Variants in ZBTB16 observed in about 807,000 individuals in gnomAD.
ZBTB16 encodes the protein zinc finger and BTB domain-containing protein 16.
A neutral mutation model predicts 56.8 loss-of-function variants in ZBTB16; 8 were observed. The ratio of observed to expected loss-of-function variants is 0.14; its 90% confidence interval spans 0.08 to 0.25. The LOEUF (loss-of-function observed/expected upper bound fraction) is 0.25. ZBTB16 is among the 10% of genes least tolerant of loss of function. ZBTB16 has a pLI of 1.00. For missense variants in ZBTB16, 625 were observed against 903.0 expected, an observed-to-expected ratio of 0.69 and a Z score of 3.95; for synonymous variants, 363 against 368.5, an observed-to-expected ratio of 0.98 and a Z score of 0.17.
intron 4 of ZBTB16, among the ~76,000 whole-genome samples, chr11:114,241,002 C>T (rs1380345101): frequency 4.6e-5 from 7 of 152,152 alleles, no homozygotes; most frequent in South Asian, 2.1e-4. Context: ...ATCCTCCCAC[C>T]GGCCATGTTT....
intron 2 of ZBTB16, among the ~76,000 whole-genome samples, chr11:114,155,427 G>C (rs1296446038): frequency 6.6e-6 from 1 of 152,050 alleles, no homozygotes; most frequent in East Asian, 1.9e-4. Context: ...GCTGGCTCGT[G>C]ACTGAGCTAG....
intron 2 of ZBTB16, among the ~76,000 whole-genome samples, chr11:114,071,101 TA>T (rs1476538690): frequency 2.0e-5 from 3 of 152,212 alleles, no homozygotes; most frequent in Non-Finnish European, 4.4e-5. Context: ...TTGCGCTCTT[TA>T]AAAAATTCTT....
chr11:114,097,186 T>A (rs564289615), intron 2 of ZBTB16, among the ~76,000 whole-genome samples: 2 of 152,312 alleles, frequency 1.3e-5, no homozygotes, highest in Non-Finnish European at 2.9e-5. Flanking sequence ...CTAGGTGAAA[T>A]AAGCTAGATA....
At chr11:114,075,631 A>G (rs925723122) in intron 2 of ZBTB16, among the ~76,000 whole-genome samples, 3 of 93,376 alleles carry the variant, frequency 3.2e-5, no homozygotes, top group Non-Finnish European at 6.6e-5. Flanking sequence ...TAATTTTTGT[A>G]TATATATATA....
At chr11:114,199,681 G>A (rs768601410) in intron 4 of ZBTB16, among the ~76,000 whole-genome samples, 15 of 152,194 alleles carry the variant, frequency 9.9e-5, no homozygotes, top group Non-Finnish European at 2.2e-4. Context: ...TAGGAATTGG[G>A]CAAGAAAAGT....
chr11:114,238,307 G>A (rs781727484), intron 4 of ZBTB16, among the ~76,000 whole-genome samples: 21 of 152,286 alleles, frequency 1.4e-4, no homozygotes, highest in Non-Finnish European at 2.8e-4. Context: ...AGCACCACTC[G>A]TCTTAGTCAA....
chr11:114,108,004 T>C (rs1940858516), intron 2 of ZBTB16, among the ~76,000 whole-genome samples: 1 of 151,992 alleles, frequency 6.6e-6, no homozygotes, highest in Non-Finnish European at 1.5e-5. Context: ...TTATTATCAT[T>C]ATTATTATTA....
chr11:114,214,029 A>G (rs1301046903), intron 4 of ZBTB16, among the ~76,000 whole-genome samples: 2 of 152,220 alleles, frequency 1.3e-5, no homozygotes, highest in Admixed American at 6.5e-5. Context: ...GGGAGACACT[A>G]TATATAGACA....
intron 2 of ZBTB16, among the ~76,000 whole-genome samples, chr11:114,090,284 A>G (rs1940136476): frequency 6.6e-6 from 1 of 152,174 alleles, no homozygotes; most frequent in Non-Finnish European, 1.5e-5. Flanking sequence ...CTTGTCACTT[A>G]GGTGTCTGAG....
chr11:114,175,779 A>G (rs774403596), intron 3 of ZBTB16, among the ~76,000 whole-genome samples: 3 of 152,006 alleles, frequency 2.0e-5, no homozygotes, highest in Non-Finnish European at 2.9e-5. Context: ...GCTGCCTCCT[A>G]TTCCCTTTAA....
intron 2 of ZBTB16, among the ~76,000 whole-genome samples, chr11:114,119,335 TGTGTGTGTGTGCGCGC>T (rs1941275383): frequency 7.0e-6 from 1 of 143,438 alleles, no homozygotes; most frequent in Admixed American, 7.0e-5. Context: ...TACGAGTTTG[TGTGTGTGTGTGCGCGC>T]GTGTGTGTGT....
rs775348440 is a variant in ZBTB16 at position 114,063,809 on chromosome 11, G to T, written c.509G>T (p.Ser170Ile). 3.7e-6 allele frequency: 6 copies of T among 1,614,196 alleles called. No individual in the cohort carries two copies. In the Admixed American group the frequency reaches 8.3e-5, roughly 22 times the overall value. The change falls in exon 2 of 7, where the codon AGT becomes ATT. Residue 170 changes from serine (S) to isoleucine (I), a missense_variant. Around this residue, in one of 6 missense-constraint regions of ZBTB16, gnomAD observed 384 missense variants for 393.5 expected, o/e 0.98. Coordinates refer to ENST00000335953, the MANE Select transcript of ZBTB16 (RefSeq NM_006006.6). The surrounding 1 kb of genome is among the most constrained non-coding windows in gnomAD (Gnocchi z 6.5). The part of the protein sequence containing the change: ...KHSSEESGYA[S>I]VAGQSLPGPM... ...TCCAGCGAGGAGAGTGGGTATGCCA[G>T]TGTGGCTGGACAGAGCCTCCCTGGG...
intron 2 of ZBTB16, among the ~76,000 whole-genome samples, chr11:114,126,970 A>C (rs1051853762): frequency 6.6e-6 from 1 of 152,180 alleles, no homozygotes; most frequent in African/African-American, 2.4e-5. Context: ...GGTTGTAAGC[A>C]TCTTGAAGGC....
chr11:114,207,590 A>ACACAC (rs1491175407), intron 4 of ZBTB16, among the ~76,000 whole-genome samples: 4 of 143,626 alleles, frequency 2.8e-5, no homozygotes, highest in African/African-American at 1.0e-4. Flanking sequence ...ACACACACAC[A>ACACAC]ACACACACAC....
chr11:114,157,868 T>C (rs1339451097), intron 3 of ZBTB16, among the ~76,000 whole-genome samples: 2 of 152,148 alleles, frequency 1.3e-5, no homozygotes, highest in Admixed American at 1.3e-4. Context: ...ATTCTGTTCT[T>C]CCTTCCTGTG....
chr11:114,109,952 G>T (rs1014562236), intron 2 of ZBTB16, among the ~76,000 whole-genome samples: 10 of 152,258 alleles, frequency 6.6e-5, no homozygotes, highest in African/African-American at 2.4e-4. Context: ...GAGCAGACGG[G>T]GGCCACAGGA....
chr11:114,121,928 C>A, intron 2 of ZBTB16: 1 of 445,340 alleles, frequency 2.2e-6, no homozygotes, highest in Non-Finnish European at 4.5e-6. Flanking sequence ...AGTTTGGCTG[C>A]AAGGTACTGG....
chr11:114,076,931 A>T (rs961916722), intron 2 of ZBTB16, among the ~76,000 whole-genome samples: 3 of 152,064 alleles, frequency 2.0e-5, no homozygotes, highest in African/African-American at 7.2e-5. Context: ...TTTTGAGCTG[A>T]GTAGCTGCTA....
At chr11:114,209,241 TG>T (rs1169322316) in intron 4 of ZBTB16, 3 of 337,716 alleles carry the variant, frequency 8.9e-6, no homozygotes, top group Non-Finnish European at 1.3e-5. Flanking sequence ...AAAGCTGCTT[TG>T]GGGTGCACTT....
Sources: allele counts gnomAD v4.1 joint callset (sites outside exome capture counted in the v4.1 genomes callset), GRCh38; gene constraint gnomAD v4.1.1; regional missense constraint gnomAD v4.1.1; non-coding constraint Gnocchi (gnomAD v3.1); transcripts MANE v1.5; gene names NCBI Gene and HGNC (gene_info 2026-07-23, HGNC 2026-07-21).